The following SKAP2 variants were observed in gnomAD, a reference collection of about 807,000 sequenced individuals.
SKAP2 encodes src kinase associated phosphoprotein 2.
A neutral mutation model predicts 54.9 loss-of-function variants in SKAP2; 28 were observed. The ratio of observed to expected loss-of-function variants is 0.51; its 90% CI spans 0.38 to 0.70. The LOEUF is 0.70. Among genes scored for constraint, SKAP2 ranks in the 30% least tolerant of loss-of-function variants. SKAP2 has a pLI of 0.00. For missense variants in SKAP2, 356 were observed against 424.1 expected (o/e 0.84, Z 1.41); for synonymous variants, 137 against 134.3 (o/e 1.02, Z -0.14).
chr7:26,859,330 G>T (rs1441812727), intron 1 of SKAP2, among the ~76,000 whole-genome samples: 1 of 150,492 alleles, frequency 6.6e-6, no homozygotes, highest in Non-Finnish European at 1.5e-5. Context: ...TGACCAAACA[G>T]GTACTGATAA....
Position 26,863,463 on chromosome 7 carries a change from T to C in SKAP2, c.67+900A>G, listed in dbSNP as rs192513689. 7.4e-4 allele frequency among the ~76,000 whole-genome samples: 113 copies of C among 152,270 alleles called. 2 individuals carry two copies. The South Asian group carries it at 0.022, about 30-fold the overall frequency. ...AAATGATGGTTGAAATTCCAGAACA[T>C]TGAGATAGGTAAGATTTGTGCTACC... On this transcript the variant is annotated intron_variant, in intron 1 of 12. Coordinates refer to ENST00000345317, the MANE Select transcript of SKAP2 (RefSeq NM_003930.5).
In SKAP2 at chr7:26,864,453, G is replaced by C; in HGVS notation, c.-24C>G. ...ATGTTAGGGAGCGCAGGGCGTGCGG[G>C]GAAAGGACCTGCGCTGAAAAGGTGA... On this transcript the variant is annotated 5_prime_UTR_variant, in exon 1 of 13. Transcript: ENST00000345317. The C allele has an allele frequency of 6.3e-7, 1 of 1,589,564 alleles. No individual in the cohort carries two copies.
At chr7:26,855,141 T>C (rs1785133663) in intron 1 of SKAP2, 1 of 240,398 alleles carries the variant, frequency 4.2e-6, no homozygotes. Context: ...ATTTGGATGT[T>C]TGGCATCATT....
intron 4 of SKAP2, among the ~76,000 whole-genome samples, chr7:26,761,341 A>C (rs1007521839): frequency 6.6e-6 from 1 of 152,268 alleles, no homozygotes; most frequent in African/African-American, 2.4e-5. Flanking sequence ...AAGAGCTTAA[A>C]AATGATAACT....
At position 26,814,608 on chromosome 7, in the gene SKAP2, A is replaced by G. The variant is rs183253445; in HGVS notation, c.307+29422T>C. ...GATTCAGTGTAAATATTTCCAACAC[A>G]TCAGTATCCTGCCATTATTATAATG... On this transcript the variant is annotated intron_variant, in intron 4 of 12. Transcript: ENST00000345317. 7.3e-3 allele frequency among the ~76,000 whole-genome samples: 1,114 copies of G among 151,968 alleles called. 25 individuals are homozygous for G. Among genetic ancestry groups the G allele is most frequent in the Middle Eastern group, 0.034 (10 of 294 alleles).
downstream of SKAP2, among the ~76,000 whole-genome samples, chr7:26,666,442 T>C (rs113309538): frequency 3.9e-5 from 6 of 152,218 alleles, 1 homozygote; most frequent in African/African-American, 1.4e-4. Context: ...TGAAATTATA[T>C]AAAAAGTAGA....
chr7:26,765,250 A>G (rs975818602), intron 4 of SKAP2, among the ~76,000 whole-genome samples: 1 of 152,084 alleles, frequency 6.6e-6, no homozygotes, highest in Non-Finnish European at 1.5e-5. Context: ...GCTTTCCTTC[A>G]TATGTTTTTT....
chr7:26,656,388 C>T, the SKAP2 span, among the ~76,000 whole-genome samples: 1 of 152,128 alleles, frequency 6.6e-6, no homozygotes, highest in Non-Finnish European at 1.5e-5. Flanking sequence ...TTCACTTCCA[C>T]TCTTTAAAGA....
chr7:26,710,228 G>C (rs1317049436), intron 9 of SKAP2, among the ~76,000 whole-genome samples: 3 of 152,164 alleles, frequency 2.0e-5, no homozygotes, highest in Non-Finnish European at 4.4e-5. Flanking sequence ...CCTTGCACTA[G>C]AGGAGTTTGC....
At chr7:26,832,492 CCTAAAGTTTCCTT>C (rs1394997389) in intron 4 of SKAP2, among the ~76,000 whole-genome samples, 6 of 152,258 alleles carry the variant, frequency 3.9e-5, no homozygotes, top group African/African-American at 1.2e-4. Context: ...AACCTTTCCT[CCTAAAGTTTCCTT>C]GAAATTCCTT....
At chr7:26,657,037 T>C in the SKAP2 span, among the ~76,000 whole-genome samples, 1 of 152,158 alleles carries the variant, frequency 6.6e-6, no homozygotes, top group Admixed American at 6.6e-5. Context: ...CAAGAATAGC[T>C]ACAGGCTTTA....
Position 26,690,297 on chromosome 7 carries a change from G to T in SKAP2, c.862C>A (p.His288Asn). 2 of 1,607,738 alleles carry T rather than the reference G, an allele frequency of 1.2e-6. No individual in the cohort carries two copies. The highest frequency in any genetic ancestry group is 1.7e-6 in the Non-Finnish European group (2 of 1,174,334). Residue 288 changes from histidine (H) to asparagine (N), a missense_variant, in exon 10 of 13, where the codon CAT becomes AAT. His to Asn is a moderately conservative substitution (Grantham distance 68). Coordinates refer to ENST00000345317, the MANE Select transcript of SKAP2 (RefSeq NM_003930.5). ...CACAAGTCATTACCTGAGGTGTGAT[G>T]GACACTATCCTGACTCATCTTCCTT... is the stretch of plus-strand genomic sequence containing the variant. Reference protein sequence around the residue: ...EQRKMSQDSVHHTSGDKSTDY... With the variant: ...EQRKMSQDSVNHTSGDKSTDY...
intron 9 of SKAP2, among the ~76,000 whole-genome samples, chr7:26,691,879 T>A (rs1222261720): frequency 6.6e-6 from 1 of 152,002 alleles, no homozygotes; most frequent in Non-Finnish European, 1.5e-5. Context: ...TGGGTAGGAG[T>A]TACGCTCATA....
chr7:26,787,176 C>G (rs1783565204), intron 4 of SKAP2, among the ~76,000 whole-genome samples: 8 of 152,244 alleles, frequency 5.3e-5, no homozygotes, highest in African/African-American at 1.9e-4. Flanking sequence ...TTTTAACCAC[C>G]AGTATTAGGC....
intron 11 of SKAP2, among the ~76,000 whole-genome samples, chr7:26,683,024 A>G (rs212849): frequency 0.54 from 82,278 of 152,036 alleles, 23,082 homozygotes; most frequent in East Asian, 0.88. Context: ...AAATAGATCC[A>G]CATGGGCTTT....
chr7:26,699,935 C>T (rs1786986485), intron 9 of SKAP2, among the ~76,000 whole-genome samples: 1 of 152,116 alleles, frequency 6.6e-6, no homozygotes, highest in South Asian at 2.1e-4. Context: ...GAGCTATTGA[C>T]CAAAGTCCGT....
intron 4 of SKAP2, among the ~76,000 whole-genome samples, chr7:26,809,916 T>C (rs1258282540): frequency 6.6e-6 from 1 of 152,204 alleles, no homozygotes; most frequent in African/African-American, 2.4e-5. Flanking sequence ...GGAATACCAT[T>C]TAGCCTTTCA....
intron 9 of SKAP2, among the ~76,000 whole-genome samples, chr7:26,691,817 G>A (rs78016381): frequency 6.6e-6 from 1 of 152,166 alleles, no homozygotes; most frequent in African/African-American, 2.4e-5. Flanking sequence ...AAAGAAAAAG[G>A]CATGTTCATA....
At chr7:26,838,261 T>C (rs1321032967) in intron 4 of SKAP2, among the ~76,000 whole-genome samples, 2 of 152,096 alleles carry the variant, frequency 1.3e-5, no homozygotes, top group Admixed American at 6.5e-5. Context: ...ATTCAGCTCC[T>C]ACTATAAATC....
Sources: allele counts gnomAD v4.1 joint callset (sites outside exome capture counted in the v4.1 genomes callset), GRCh38; gene constraint gnomAD v4.1.1; transcripts MANE v1.5; gene names NCBI Gene and HGNC (gene_info 2026-07-23, HGNC 2026-07-21).